The following GGN variants were observed in gnomAD, a reference collection of about 807,000 sequenced individuals.
The protein encoded by GGN is gametogenetin.
A neutral mutation model predicts 35.5 loss-of-function variants in GGN; 27 were observed. That is an observed-to-expected ratio of 0.76 (90% CI 0.56 to 1.05). The LOEUF is 1.05. GGN is among the 50% of genes least tolerant of loss of function. The pLI is 0.00. For synonymous variants in GGN, 425 were observed against 444.1 expected (o/e 0.96, Z 0.54); for missense variants, 1,006 against 940.7 (o/e 1.07, Z -0.91).
chr19:38,384,425 G>A lies in GGN; in HGVS notation c.1946C>T (p.Thr649Ile), dbSNP rs1490177189. The A allele has an allele frequency of 2.5e-6, 4 of 1,613,198 alleles. No individual in the cohort carries two copies. In the African/African-American group the frequency reaches 5.3e-5, roughly 22 times the overall value. The change falls in exon 4 of 4, where the codon ACC becomes ATC. Residue 649 changes from threonine (T) to isoleucine (I), a missense_variant. By Grantham distance (89) the Thr-to-Ile change is moderately conservative. Transcript: ENST00000334928. ...AGCCGACTACACTCAGTTGGAATGG[G>A]TGGCCTGCAAGTCGTAGTGCTCCAG... The part of the protein sequence containing the change: ...AKLEHYDLQA[T>I]HSN
rs779771941 is a variant in GGN, at chr19:38,385,485, G to A, written c.1777C>T (p.Pro593Ser). The A allele has an allele frequency of 6.2e-7, 1 of 1,614,140 alleles. No homozygotes were observed. The highest frequency in any genetic ancestry group is 1.7e-5 in the Admixed American group (1 of 60,028). ...WLPFQVLNSC[P>S]CKCYCHHQPR... is the part of the protein sequence containing the mutation. ...TGGTGGTGGCAGTAACACTTGCAGG[G>A]ACAGGAGTTAAGCACCTGGAAGGGC... The change falls in exon 3 of 4, where the codon CCC (proline) becomes TCC (serine). Residue 593 changes from proline (P) to serine (S), a missense_variant. Coordinates refer to ENST00000334928, the MANE Select transcript of GGN (RefSeq NM_152657.4).
chr19:38,385,862 G>C lies in GGN; in HGVS notation c.1400C>G (p.Pro467Arg). Residue 467 changes from proline to arginine, a missense_variant, in exon 3 of 4, where the codon CCG becomes CGG. Transcript: ENST00000334928. ...GGCTGACTCCTTGTGGCCCAGACCC[G>C]GGGTGAGCGGGGGAGCCACCGGCAG... is the stretch of plus-strand genomic sequence containing the variant. ...TPLPVAPPLT[P>R]GLGHKESALA... The C allele has an allele frequency of 1.6e-5, 24 of 1,544,520 alleles. No homozygotes were observed. Among genetic ancestry groups the C allele is most frequent in the Non-Finnish European group, 2.1e-5 (24 of 1,148,192 alleles).
chr19:38,385,986 G>T lies in GGN; in HGVS notation c.1276C>A (p.Pro426Thr). Residue 426 changes from proline to threonine, a missense_variant, in exon 3 of 4, where the codon CCC (proline) becomes ACC (threonine). Pro to Thr is a conservative substitution (Grantham distance 38). Coordinates refer to ENST00000334928, the MANE Select transcript of GGN (RefSeq NM_152657.4). The stretch of plus-strand genomic sequence containing the variant: ...AGGCCTGGAGGCCCCGGGCGCATGG[G>T]CTCGCCATTGGTGGGTGCTGGGAAG... ...FIFPAPTNGE[P>T]MRPGPPGLQE... 4 of 1,606,976 alleles carry T rather than the reference G, an allele frequency of 2.5e-6. No homozygotes were observed. The highest frequency in any genetic ancestry group is 3.4e-6 in the Non-Finnish European group (4 of 1,176,890).
chr19:38,385,560 C>G lies in GGN; in HGVS notation c.1702G>C (p.Gly568Arg). Residue 568 changes from glycine (G) to arginine (R), a missense_variant, in exon 3 of 4, where the codon GGG becomes CGG. Gly to Arg is a moderately radical substitution (Grantham distance 125, BLOSUM62 -2). Coordinates refer to ENST00000334928, the MANE Select transcript of GGN (RefSeq NM_152657.4). ...TTAGCTGCCCCAGTCTGAGAGGCCC[C>G]GCTGCCACCACCCCCTCCACCACTG... The part of the protein sequence containing the change: ...DSSGGGGGGS[G>R]ASQTGAANTR... 1.9e-6 allele frequency: 3 copies of G among 1,614,072 alleles called. No individual in the cohort carries two copies. Among genetic ancestry groups the G allele is most frequent in the Non-Finnish European group, 2.5e-6 (3 of 1,180,016 alleles).
Position 38,385,793 on chromosome 19 carries a change from GC to G in GGN, c.1468del (p.Ala490ProfsTer126). 1 of 1,546,714 alleles carries G rather than the reference GC, an allele frequency of 6.5e-7. No homozygotes were observed. Among genetic ancestry groups the G allele is most frequent in the Non-Finnish European group, 8.7e-7 (1 of 1,151,018 alleles). ...CGGGGATGGGGCCGGGGCCTGGTCG[GC>G]GGCTAAGGCTGGGGGCAGAGCAGGG... ...AAPALPPALAADQAPAPSPAP... is the reference protein window; with the variant it reads ...AAPALPPALAXDQAPAPSPAP... On this transcript the variant is annotated frameshift_variant, in exon 3 of 4. Coordinates refer to ENST00000334928, the MANE Select transcript of GGN (RefSeq NM_152657.4). LOFTEE classifies it high-confidence loss of function.
Position 38,386,838 on chromosome 19 carries a change from G to T in GGN, c.424C>A (p.Leu142Met), listed in dbSNP as rs367750094. 202 of 1,605,302 alleles carry T rather than the reference G, an allele frequency of 1.3e-4. No individual in the cohort carries two copies. Among genetic ancestry groups the T allele is most frequent in the Middle Eastern group, 1.0e-3 (6 of 6,008 alleles). Reference sequence around the variant, plus strand: ...TGCCGGGGCGGCGGCGGCGGCTTCAGCGGGCGGAGGCTCGGAGGGTCGCCC... The same window carrying T: ...TGCCGGGGCGGCGGCGGCGGCTTCATCGGGCGGAGGCTCGGAGGGTCGCCC... ...GQGDPPSLRPLKPPPPPRQLS... is the reference protein window; with the variant it reads ...GQGDPPSLRPMKPPPPPRQLS... The change falls in exon 3 of 4, where the codon CTG becomes ATG. Residue 142 changes from leucine to methionine, a missense_variant. Coordinates refer to ENST00000334928, the MANE Select transcript of GGN (RefSeq NM_152657.4).
At position 38,386,407 on chromosome 19, in the gene GGN, G is replaced by A. The variant is rs376522804; in HGVS notation, c.855C>T (p.Tyr285=). ...GLFAASGAIS[Y]AEVLKQGPLP... The stretch of plus-strand genomic sequence containing the variant: ...GGGGCCCTTGCTTCAGGACCTCGGC[G>A]TAAGAGATGGCACCTGAGGCAGCAA... Residue 285 remains tyrosine, a synonymous_variant, in exon 3 of 4, where the codon TAC becomes TAT. Coordinates refer to ENST00000334928, the MANE Select transcript of GGN (RefSeq NM_152657.4). 2.0e-5 allele frequency: 32 copies of A among 1,612,818 alleles called. No individual in the cohort carries two copies. The African/African-American group carries it at 3.2e-4, about 16-fold the overall frequency.
At position 38,387,128 on chromosome 19, in the gene GGN, C is replaced by T. The variant is rs1386237868; in HGVS notation, c.134G>A (p.Arg45His). Residue 45 changes from arginine to histidine, a missense_variant, in exon 3 of 4, where the codon CGT becomes CAT. By Grantham distance (29) the Arg-to-His change is conservative. Transcript: ENST00000334928. This position sits in a 1 kb window ranked among gnomAD's most constrained non-coding sequence, Gnocchi z 5.3. ...EMTSQAMRLT[R>H]GLGVWFPGSA... ...GCCAGGGAACCAGACACCCAGCCCA[C>T]GAGTCAGGCGCATGGCCTGGGAGGT... 6.4e-7 allele frequency: 1 copy of T among 1,567,828 alleles called. No homozygotes were observed. Among genetic ancestry groups the T allele is most frequent in the Non-Finnish European group, 8.6e-7 (1 of 1,156,202 alleles).
chr19:38,384,958 G>A (rs1389646622), intron 3 of GGN, among the ~76,000 whole-genome samples: 1 of 152,184 alleles, frequency 6.6e-6, no homozygotes, highest in Non-Finnish European at 1.5e-5. Flanking sequence ...AGGCTAGAGG[G>A]GTCAGGAGTC....
In GGN at chr19:38,386,297, C is replaced by T. The variant is rs1211150141; in HGVS notation, c.965G>A (p.Cys322Tyr). Reference protein sequence around the residue: ...AEGGDGDGEGCSGPPSAPASQ... With the variant: ...AEGGDGDGEGYSGPPSAPASQ... ...CGCAGGCGCCGAGGGAGGACCAGAG[C>T]ACCCTTCGCCGTCTCCATCACCTCC... The change falls in exon 3 of 4, where the codon TGC (cysteine) becomes TAC (tyrosine). Residue 322 changes from cysteine to tyrosine, a missense_variant. By Grantham distance (194) the Cys-to-Tyr change is radical. Coordinates refer to ENST00000334928, the MANE Select transcript of GGN (RefSeq NM_152657.4). 1.2e-6 allele frequency: 2 copies of T among 1,610,024 alleles called. No homozygotes were observed. The highest frequency in any genetic ancestry group is 1.1e-5 in the South Asian group (1 of 90,660).
Position 38,386,665 on chromosome 19 carries a change from C to T in GGN, c.597G>A (p.Pro199=). 1 of 1,611,576 alleles carries T rather than the reference C, an allele frequency of 6.2e-7. No homozygotes were observed. Among genetic ancestry groups the T allele is most frequent in the Non-Finnish European group, 8.5e-7 (1 of 1,178,620 alleles). Residue 199 remains proline, a synonymous_variant, in exon 3 of 4, where the codon CCG becomes CCA. Coordinates refer to ENST00000334928, the MANE Select transcript of GGN (RefSeq NM_152657.4). ...TPALATPASP[P]TESQAGPRNQ... is the part of the protein sequence containing the mutation. The stretch of plus-strand genomic sequence containing the variant: ...TGCGGGGCCCAGCCTGGCTTTCTGT[C>T]GGGGGTGAGGCGGGTGTGGCCAGAG...
chr19:38,384,671 G>A, intron 3 of GGN, 142 bp from the exon 4 acceptor site: 1 of 634,732 alleles, frequency 1.6e-6, no homozygotes, highest in Non-Finnish European at 2.8e-6. Flanking sequence ...GGGCAGGGCT[G>A]TGGCCACTTA....
In GGN at chr19:38,387,273, C is replaced by T. The variant is rs1254018203; in HGVS notation, c.-12G>A. The T allele has an allele frequency of 6.4e-7, 1 of 1,573,922 alleles. No individual in the cohort carries two copies. The highest frequency in any genetic ancestry group is 8.6e-7 in the Non-Finnish European group (1 of 1,163,372). ...TGCAAGTTCCCCATTTCTGACGGAG[C>T]TCGGAGACTAGTCAGAAAAATTTAC... On this transcript the variant is annotated 5_prime_UTR_variant, in exon 3 of 4. Coordinates refer to ENST00000334928, the MANE Select transcript of GGN (RefSeq NM_152657.4). This position sits in a 1 kb window ranked among gnomAD's most constrained non-coding sequence, Gnocchi z 5.3.
At chr19:38,385,359 TG>T in intron 3 of GGN, 61 bp downstream of exon 3, 1 of 1,605,760 alleles carries the variant, frequency 6.2e-7, no homozygotes, top group Non-Finnish European at 8.5e-7. Context: ...GCCAAAGGGC[TG>T]AGTAGGACTC....
In GGN at chr19:38,385,743, G is replaced by A. The variant is rs766340028; in HGVS notation, c.1519C>T (p.Pro507Ser). The A allele has an allele frequency of 8.4e-6, 13 of 1,548,422 alleles. No homozygotes were observed. Among genetic ancestry groups the A allele is most frequent in the Admixed American group, 7.0e-5 (4 of 57,090 alleles). ...GCGGGCGCGGACACAGGCGGCGAGG[G>A]CTCAGCCACGGTGGGAGCTGGAGCC... ...SPAPAPTVAE[P>S]SPPVSAPAPA... Residue 507 changes from proline to serine, a missense_variant, in exon 3 of 4, where the codon CCC becomes TCC. Pro to Ser is a moderately conservative substitution (Grantham distance 74). Coordinates refer to ENST00000334928, the MANE Select transcript of GGN (RefSeq NM_152657.4).
rs781728827 is a variant in GGN at position 38,385,775 on chromosome 19, G to A, written c.1487C>T (p.Pro496Leu). 2 of 1,566,530 alleles carry A rather than the reference G, an allele frequency of 1.3e-6. No individual in the cohort carries two copies. Among genetic ancestry groups the A allele is most frequent in the Non-Finnish European group, 8.6e-7 (1 of 1,160,878 alleles). ...CACGGTGGGAGCTGGAGCCGGGGAT[G>A]GGGCCGGGGCCTGGTCGGCGGCTAA... ...PALAADQAPA[P>L]SPAPAPTVAE... Residue 496 changes from proline to leucine, a missense_variant, in exon 3 of 4, where the codon CCA (proline) becomes CTA (leucine). Transcript: ENST00000334928.
rs750473087 is a variant in GGN at position 38,384,528 on chromosome 19, G to A, written c.1843C>T (p.Leu615=). The A allele has an allele frequency of 3.7e-6, 6 of 1,612,868 alleles. No homozygotes were observed. The South Asian group carries it at 4.4e-5, about 12-fold the overall frequency. ...RRLPRNVSAW[L]STSTNHLGEP... is the part of the protein sequence containing the mutation. ...CCCAGGTGGTTGGTGGATGTGCTCA[G>A]CCTAGTGGGGGAGGGTAGAGTCAGC... Residue 615 remains leucine, a splice_region_variant and synonymous_variant, in exon 4 of 4, where the codon CTG becomes TTG. Transcript: ENST00000334928.
At position 38,386,842 on chromosome 19, in the gene GGN, G is replaced by A. The variant is rs775826892; in HGVS notation, c.420C>T (p.Arg140=). Reference sequence around the variant, plus strand: ...GGGGCGGCGGCGGCGGCTTCAGCGGGCGGAGGCTCGGAGGGTCGCCCTGGC... The same window carrying A: ...GGGGCGGCGGCGGCGGCTTCAGCGGACGGAGGCTCGGAGGGTCGCCCTGGC... ...HRGQGDPPSL[R]PLKPPPPPRQ... Residue 140 remains arginine, a synonymous_variant, in exon 3 of 4, where the codon CGC becomes CGT. Coordinates refer to ENST00000334928, the MANE Select transcript of GGN (RefSeq NM_152657.4). 2.1e-5 allele frequency: 34 copies of A among 1,604,596 alleles called. No homozygotes were observed. The highest frequency in any genetic ancestry group is 3.3e-4 in the Middle Eastern group (2 of 5,996).
chr19:38,387,374 GC>G lies in GGN; in HGVS notation c.-19-95del. The G allele has an allele frequency of 6.9e-7, 1 of 1,439,864 alleles. No individual in the cohort carries two copies. Among genetic ancestry groups the G allele is most frequent in the Non-Finnish European group, 9.1e-7 (1 of 1,099,980 alleles). The allele number at this position is 1,439,864 out of a possible 1,614,324, so 89.2% of individuals were successfully genotyped here. A position where few individuals can be genotyped will look rare whatever the true frequency, so the allele number is the denominator to read the frequency against. The stretch of plus-strand genomic sequence containing the variant: ...GATCTAATGCGTCCGCACCGGCCCC[GC>G]CCCTGTTCTCCAAGATCCGATCAGG... On this transcript the variant is annotated intron_variant, in intron 2 of 3. Transcript: ENST00000334928. The surrounding 1 kb of genome is among the most constrained non-coding windows in gnomAD (Gnocchi z 5.3).
Sources: allele counts gnomAD v4.1 joint callset (sites outside exome capture counted in the v4.1 genomes callset), GRCh38; gene constraint gnomAD v4.1.1; non-coding constraint Gnocchi (gnomAD v3.1); transcripts MANE v1.5; gene names NCBI Gene and HGNC (gene_info 2026-07-23, HGNC 2026-07-21).